Variants in CFAP206 observed in about 807,000 individuals in gnomAD.
CFAP206 encodes the protein cilia and flagella associated protein 206.
In CFAP206, 53 loss-of-function variants were observed where a neutral mutation model predicts 65.4. That is an observed-to-expected ratio of 0.81 (90% CI 0.65 to 1.02). The LOEUF (loss-of-function observed/expected upper bound fraction) is 1.02. Ranked by LOEUF, CFAP206 falls within the 50% of genes least tolerant of loss-of-function variation. The pLI is 0.00. For synonymous variants in CFAP206, 250 were observed against 254.4 expected (o/e 0.98, Z 0.17); for missense variants, 663 against 753.2 (o/e 0.88, Z 1.40).
Position 87,415,709 on chromosome 6 carries a change from C to T in CFAP206, c.307C>T (p.Arg103Trp), listed in dbSNP as rs752630039. ...AGTGGAATTTCTCGAAGAACATCAC[C>T]GGGTCCTAGAGTCTAGATTAGGCTC... Reference protein sequence around the residue: ...NRVEFLEEHHRVLESRLGSVT... With the variant: ...NRVEFLEEHHWVLESRLGSVT... Residue 103 changes from arginine to tryptophan, a missense_variant, in exon 5 of 13, where the codon CGG becomes TGG. Transcript: ENST00000369562. 4.8e-5 allele frequency: 77 copies of T among 1,604,330 alleles called. No individual in the cohort carries two copies. In the Admixed American group the frequency reaches 1.1e-3, roughly 22 times the overall value.
chr6:87,464,090 C>A lies in CFAP206; in HGVS notation c.1709C>A (p.Ser570Tyr). 6.2e-7 allele frequency: 1 copy of A among 1,614,086 alleles called. No individual in the cohort carries two copies. The highest frequency in any genetic ancestry group is 1.3e-5 in the African/African-American group (1 of 75,032). The change falls in exon 13 of 13, where the codon TCC (serine) becomes TAC (tyrosine). Residue 570 changes from serine (S) to tyrosine (Y), a missense_variant. Transcript: ENST00000369562. ...AGTCACTTGAGAAGAGAAAATTGTT[C>A]CCAAGTGTACCCTCCAAAGGACACT... ...DLSHLRRENC[S>Y]QVYPPKDTST...
chr6:87,425,052 A>G (rs1768011195), intron 7 of CFAP206, among the ~76,000 whole-genome samples: 1 of 152,206 alleles, frequency 6.6e-6, no homozygotes, highest in Non-Finnish European at 1.5e-5. Flanking sequence ...TGTTCTTGCT[A>G]CTGAAAGCAT....
At chr6:87,418,957 C>G (rs1767889310) in intron 7 of CFAP206, among the ~76,000 whole-genome samples, 1 of 151,880 alleles carries the variant, frequency 6.6e-6, no homozygotes, top group African/African-American at 2.4e-5. Context: ...ACAAAAAGTA[C>G]AAAACTTAGC....
chr6:87,415,353 A>G (rs1767807397), intron 4 of CFAP206, among the ~76,000 whole-genome samples: 1 of 149,972 alleles, frequency 6.7e-6, no homozygotes, highest in Non-Finnish European at 1.5e-5. Flanking sequence ...ATTAAAATAT[A>G]TAATATATAT....
chr6:87,450,830 C>G (rs938261651), intron 11 of CFAP206, among the ~76,000 whole-genome samples: 1 of 152,150 alleles, frequency 6.6e-6, no homozygotes, highest in African/African-American at 2.4e-5. Context: ...TACTACCCCT[C>G]CCCGCATGCC....
chr6:87,463,230 G>A (rs1768773206), intron 12 of CFAP206, among the ~76,000 whole-genome samples: 1 of 152,174 alleles, frequency 6.6e-6, no homozygotes, highest in Non-Finnish European at 1.5e-5. Flanking sequence ...TATTTGCTTA[G>A]GCAAGAGTCT....
chr6:87,463,305 T>C (rs1019768967), intron 12 of CFAP206, among the ~76,000 whole-genome samples: 1 of 152,236 alleles, frequency 6.6e-6, no homozygotes, highest in African/African-American at 2.4e-5. Flanking sequence ...ATGTGGACAA[T>C]AACCTGGGTA....
intron 2 of CFAP206, among the ~76,000 whole-genome samples, chr6:87,410,263 C>A (rs1256482243): frequency 6.6e-6 from 1 of 152,140 alleles, no homozygotes; most frequent in Non-Finnish European, 1.5e-5. Flanking sequence ...TCTGTTCTTG[C>A]TTTTGGTTAA....
intron 11 of CFAP206, 120 bp downstream of exon 11, chr6:87,435,173 A>C (rs1028171782): frequency 3.1e-6 from 2 of 654,282 alleles, no homozygotes; most frequent in African/African-American, 3.7e-5. Flanking sequence ...GAGGGTCTTT[A>C]CAGGTTGTCT....
chr6:87,435,724 A>C (rs1768253573), intron 11 of CFAP206: 1 of 152,240 alleles, frequency 6.6e-6, no homozygotes, highest in Admixed American at 6.6e-5. Context: ...CACTGGCACA[A>C]TCATAGCTTA....
chr6:87,412,366 G>A (rs142288496), intron 3 of CFAP206, among the ~76,000 whole-genome samples: 18 of 152,268 alleles, frequency 1.2e-4, no homozygotes, highest in Admixed American at 7.2e-4. Flanking sequence ...CAGGGAGATG[G>A]GTTGAGAGTG....
intron 6 of CFAP206, 62 bp from the exon 7 acceptor site, chr6:87,418,146 C>T (rs1404041679): frequency 7.0e-7 from 1 of 1,432,984 alleles, no homozygotes; most frequent in African/African-American, 1.4e-5. Context: ...ACTTTCTAGG[C>T]TTCTTCTCCT....
At chr6:87,445,225 C>A in intron 11 of CFAP206, 1 of 274,662 alleles carries the variant, frequency 3.6e-6, no homozygotes, top group South Asian at 3.7e-5. Flanking sequence ...ATTTTAAGTT[C>A]CAGGATACAT....
chr6:87,451,516 A>G (rs76400799), intron 11 of CFAP206, among the ~76,000 whole-genome samples: 2,029 of 152,038 alleles, frequency 0.013, 37 homozygotes, highest in African/African-American at 0.042. Flanking sequence ...ATAATTATCA[A>G]TGGTAGCCAG....
At chr6:87,437,825 ATTTTTTTTTT>A (rs1206669821) in intron 11 of CFAP206, among the ~76,000 whole-genome samples, 4 of 104,496 alleles carry the variant, frequency 3.8e-5, no homozygotes, top group Admixed American at 9.9e-5. Flanking sequence ...TGCCTGGCTA[ATTTTTTTTTT>A]TTTTTTTTTT....
At chr6:87,448,874 GTAAATATACCATATTTTCTT>G (rs1024305487) in intron 11 of CFAP206, among the ~76,000 whole-genome samples, 7 of 152,058 alleles carry the variant, frequency 4.6e-5, no homozygotes, top group African/African-American at 1.7e-4. Context: ...ATTCTATTGT[GTAAATATACCATATTTTCTT>G]TATTCTCCTG....
chr6:87,415,883 T>C lies in CFAP206; in HGVS notation c.472+9T>C. 1 of 1,480,418 alleles carries C rather than the reference T, an allele frequency of 6.8e-7. No homozygotes were observed. Among genetic ancestry groups the C allele is most frequent in the Non-Finnish European group, 9.0e-7 (1 of 1,109,862 alleles). 91.7% of individuals were successfully genotyped at this position (1,480,418 alleles called of 1,614,324 possible). A position where few individuals can be genotyped will look rare whatever the true frequency, so the allele number is the denominator to read the frequency against. ...TGTCAGAGAGGTAACAGGTAAAAAG[T>C]ATAACCAATTTCCATTTCATAAGTG... On this transcript the variant is annotated intron_variant, in intron 5 of 12. Transcript: ENST00000369562.
At chr6:87,423,234 A>T (rs1250135531) in intron 7 of CFAP206, among the ~76,000 whole-genome samples, 1 of 108,210 alleles carries the variant, frequency 9.2e-6, no homozygotes, top group Non-Finnish European at 1.8e-5. Flanking sequence ...ATATTTTTTT[A>T]TTTTTATTTT....
rs143252846 is a variant in CFAP206, at chr6:87,418,336, A to G, written c.760A>G (p.Arg254Gly). The G allele has an allele frequency of 2.0e-4, 330 of 1,614,160 alleles. 2 individuals are homozygous for G. In the East Asian group the frequency reaches 7.3e-3, roughly 36 times the overall value. The change falls in exon 7 of 13, where the codon AGG (arginine) becomes GGG (glycine). Residue 254 changes from arginine (R) to glycine (G), a missense_variant. Transcript: ENST00000369562. ...LEKAANDPLM[R>G]AELQPYMLKE... The stretch of plus-strand genomic sequence containing the variant: ...GAAGGCAGCCAACGACCCACTCATG[A>G]GGGCTGAACTTCAGCCATATATGTT...
Sources: gnomAD v4.1 joint callset for allele counts (sites outside exome capture counted in the v4.1 genomes callset) on GRCh38, gnomAD v4.1.1 for gene constraint, MANE v1.5 for transcripts, NCBI Gene and HGNC (gene_info 2026-07-23, HGNC 2026-07-21) for gene names.